The following DNAH7 variants were observed in gnomAD, a reference collection of about 807,000 sequenced individuals.
DNAH7 encodes the protein axonemal beta dynein heavy chain 7.
A neutral mutation model predicts 444.6 loss-of-function variants in DNAH7; 397 were observed. That is an observed-to-expected ratio of 0.89 (90% confidence interval 0.82 to 0.97). The LOEUF (loss-of-function observed/expected upper bound fraction) is 0.97, where lower values mean the gene tolerates loss of function less well. Ranked by LOEUF, DNAH7 falls within the 50% of genes least tolerant of loss-of-function variation. DNAH7 has a pLI of 0.00. For missense variants in DNAH7, 4,902 were observed against 4,800.8 expected, an observed-to-expected ratio of 1.02 and a Z score of -0.62; for synonymous variants, 1,636 against 1,624.4, an observed-to-expected ratio of 1.01 and a Z score of -0.17.
chr2:195,827,425 G>A (rs115416502), intron 48 of DNAH7, among the ~76,000 whole-genome samples: 2,949 of 151,598 alleles, frequency 0.019, 44 homozygotes, highest in Non-Finnish European at 0.03. Context: ...CTACAGGTGG[G>A]TACCATCACA....
chr2:195,982,151 C>G (rs1692617459), intron 15 of DNAH7, among the ~76,000 whole-genome samples: 1 of 152,084 alleles, frequency 6.6e-6, no homozygotes, highest in African/African-American at 2.4e-5. Context: ...CTCTAATAAT[C>G]TGATGAAAAA....
chr2:196,040,635 T>G (rs1322014874), intron 5 of DNAH7, among the ~76,000 whole-genome samples: 1 of 152,116 alleles, frequency 6.6e-6, no homozygotes, highest in Non-Finnish European at 1.5e-5. Context: ...GGGGATAAAT[T>G]AAAATAGTTT....
chr2:195,966,903 A>G (rs1691515722), intron 17 of DNAH7, among the ~76,000 whole-genome samples: 1 of 152,088 alleles, frequency 6.6e-6, no homozygotes, highest in Non-Finnish European at 1.5e-5. Context: ...TAAAAAAACC[A>G]TTTATCCATG....
chr2:195,771,644 G>A lies in DNAH7; in HGVS notation c.11433+16C>T. On this transcript the variant is annotated intron_variant, in intron 61 of 64. Transcript: ENST00000312428. ...TATAATTTAATGGGGGTTTTTTTTG[G>A]TGTTTTTCACCTTACCTTGATTGCT... 6.4e-7 allele frequency: 1 copy of A among 1,573,624 alleles called. No individual in the cohort carries two copies. The highest frequency in any genetic ancestry group is 8.7e-7 in the Non-Finnish European group (1 of 1,147,618).
chr2:195,961,413 C>T (rs1435254026), intron 17 of DNAH7, among the ~76,000 whole-genome samples: 1 of 146,994 alleles, frequency 6.8e-6, no homozygotes, highest in African/African-American at 2.4e-5. Context: ...CCAGCCCCAC[C>T]CTTGTAGGCA....
intron 14 of DNAH7, 84 bp from the exon 15 acceptor site, chr2:195,984,794 C>A: frequency 1.6e-6 from 2 of 1,215,106 alleles, no homozygotes; most frequent in South Asian, 1.4e-5. Context: ...TTTAAATATT[C>A]CATTGCATGA....
At chr2:195,894,886 C>G (rs1702216301) in intron 30 of DNAH7, 90 bp downstream of exon 30, 6 of 1,203,774 alleles carry the variant, frequency 5.0e-6, no homozygotes, top group Non-Finnish European at 4.4e-6. Flanking sequence ...TTTTAAGTTG[C>G]CACATTGAAT....
intron 52 of DNAH7, 122 bp from the exon 53 acceptor site, chr2:195,808,998 T>G: frequency 1.3e-6 from 1 of 786,768 alleles, no homozygotes; most frequent in Non-Finnish European, 2.0e-6. Context: ...TCTATGAAAT[T>G]CTATAGCTAG....
At chr2:195,927,532 T>C (rs1230300585) in intron 21 of DNAH7, among the ~76,000 whole-genome samples, 6 of 151,294 alleles carry the variant, frequency 4.0e-5, no homozygotes, top group Non-Finnish European at 8.8e-5. Flanking sequence ...AATAAATTAA[T>C]TAATTAATTA....
intron 5 of DNAH7, among the ~76,000 whole-genome samples, chr2:196,041,569 A>G (rs1419291824): frequency 1.3e-5 from 2 of 152,148 alleles, no homozygotes; most frequent in African/African-American, 4.8e-5. Flanking sequence ...AAAATGGATT[A>G]AAGACTTAAA....
chr2:196,027,813 A>C, intron 6 of DNAH7, 147 bp downstream of exon 6: 3 of 600,300 alleles, frequency 5.0e-6, no homozygotes, highest in Non-Finnish European at 5.3e-6. Context: ...TACAAATCCC[A>C]TGGTGCCTTT....
At position 195,738,023 on chromosome 2, in the gene DNAH7, G is replaced by C. The variant is rs1274711143; in HGVS notation, c.11973C>G (p.Gly3991=). The C allele has an allele frequency of 3.1e-6, 5 of 1,613,922 alleles. No individual in the cohort carries two copies. Among genetic ancestry groups the C allele is most frequent in the Non-Finnish European group, 3.4e-6 (4 of 1,179,944 alleles). ...TGGCAATCACAAAATTCGTGGAATG[G>C]CCAGTGGTGGATAATACTCCTCTCC... ...SERRGVLSTT[G]HSTNFVIAMT... Residue 3991 remains glycine (G), a synonymous_variant, in exon 65 of 65, where the codon GGC becomes GGG. Coordinates refer to ENST00000312428, the MANE Select transcript of DNAH7 (RefSeq NM_018897.3).
chr2:195,816,248 T>C (rs1697213768), intron 51 of DNAH7, among the ~76,000 whole-genome samples: 1 of 152,194 alleles, frequency 6.6e-6, no homozygotes, highest in African/African-American at 2.4e-5. Flanking sequence ...ATTTTACAGA[T>C]GTGTATATTA....
intron 19 of DNAH7, among the ~76,000 whole-genome samples, chr2:195,954,191 C>T (rs570219293): frequency 2.2e-4 from 33 of 152,214 alleles, no homozygotes; most frequent in Non-Finnish European, 3.1e-4. Flanking sequence ...CCCCACCCCA[C>T]GACAGGCCCT....
At chr2:195,847,560 T>A (rs893988958) in intron 46 of DNAH7, among the ~76,000 whole-genome samples, 8 of 149,900 alleles carry the variant, frequency 5.3e-5, no homozygotes, top group African/African-American at 2.0e-4. Context: ...ATTACCTGGG[T>A]GATGACATAA....
At chr2:195,850,951 G>C (rs1243220214) in intron 46 of DNAH7, among the ~76,000 whole-genome samples, 1 of 152,158 alleles carries the variant, frequency 6.6e-6, no homozygotes, top group Non-Finnish European at 1.5e-5. Context: ...AGACTCCCAT[G>C]CTCCCTTCAA....
At chr2:196,047,630 ATT>A (rs34679412) in intron 4 of DNAH7, 131 bp from the exon 5 acceptor site, 50 of 518,762 alleles carry the variant, frequency 9.6e-5, no homozygotes, top group South Asian at 3.6e-4. Flanking sequence ...CCTAAGTATA[ATT>A]TTTTTTTTTT....
At position 195,777,816 on chromosome 2, in the gene DNAH7, A is replaced by C. The variant is rs778824466; in HGVS notation, c.11048T>G (p.Val3683Gly). ...YKFDSSGIYFVPPSGDHKSYI... is the reference protein window; with the variant it reads ...YKFDSSGIYFGPPSGDHKSYI... ...CATACTTACATCACCAGAAGGAGGA[A>C]CAAAATAGATGCCACTTGAGTCGAA... The change falls in exon 59 of 65, where the codon GTT becomes GGT. Residue 3683 changes from valine to glycine, a missense_variant. Coordinates refer to ENST00000312428, the MANE Select transcript of DNAH7 (RefSeq NM_018897.3). 6 of 1,612,906 alleles carry C rather than the reference A, an allele frequency of 3.7e-6. No homozygotes were observed. The Admixed American group carries it at 6.7e-5, about 18-fold the overall frequency.
intron 15 of DNAH7, 64 bp downstream of exon 15, chr2:195,984,568 T>C: frequency 7.0e-7 from 1 of 1,427,812 alleles, no homozygotes; most frequent in Non-Finnish European, 9.8e-7. Flanking sequence ...GATTTGTTAC[T>C]CCGCATTATT....
Sources: gnomAD v4.1 joint callset for allele counts (sites outside exome capture counted in the v4.1 genomes callset) on GRCh38, gnomAD v4.1.1 for gene constraint, MANE v1.5 for transcripts, NCBI Gene and HGNC (gene_info 2026-07-23, HGNC 2026-07-21) for gene names.